The following RAB27B variants were observed in gnomAD, a reference collection of about 807,000 sequenced individuals.
RAB27B encodes the protein RAB27B, member RAS oncogene family.
A neutral mutation model predicts 24.6 loss-of-function variants in RAB27B; 15 were observed. That is an observed-to-expected ratio of 0.61 (90% confidence interval 0.41 to 0.94). The LOEUF is 0.94. Among genes scored for constraint, RAB27B ranks in the 40% least tolerant of loss-of-function variants. The pLI is 0.00. For synonymous variants in RAB27B, 105 were observed against 92.5 expected, an observed-to-expected ratio of 1.14 and a Z score of -0.78; for missense variants, 261 against 266.8, an observed-to-expected ratio of 0.98 and a Z score of 0.15.
At chr18:54,723,081 A>G (rs1291614905) in intron 2 of RAB27B, among the ~76,000 whole-genome samples, 3 of 152,210 alleles carry the variant, frequency 2.0e-5, no homozygotes, top group Admixed American at 2.0e-4. Flanking sequence ...GTAAAAGAAA[A>G]TGGAATTCCC....
intron 2 of RAB27B, among the ~76,000 whole-genome samples, chr18:54,740,148 A>T (rs1276085046): frequency 1.3e-5 from 2 of 152,206 alleles, no homozygotes; most frequent in Non-Finnish European, 2.9e-5. Flanking sequence ...GGAAGAATTC[A>T]TCTCATGGCT....
intron 1 of RAB27B, among the ~76,000 whole-genome samples, chr18:54,832,780 G>T (rs12454204): frequency 0.19 from 29,588 of 152,042 alleles, 3,557 homozygotes; most frequent in East Asian, 0.39. Context: ...GTCAGACAGG[G>T]CCAAGATAAA....
At chr18:54,798,455 A>G (rs1046021949) in intron 2 of RAB27B, among the ~76,000 whole-genome samples, 1 of 152,228 alleles carries the variant, frequency 6.6e-6, no homozygotes, top group African/African-American at 2.4e-5. Flanking sequence ...ATGAGAACCA[A>G]GGCCTCGGGT....
chr18:54,851,838 CA>C (rs575417367), intron 1 of RAB27B, among the ~76,000 whole-genome samples: 245 of 152,022 alleles, frequency 1.6e-3, no homozygotes, highest in African/African-American at 5.3e-3. Context: ...AATAATTTAA[CA>C]AAAAAAGCAC....
chr18:54,723,745 C>T lies in RAB27B; in HGVS notation c.-20+5604C>T, dbSNP rs560497599. Among the ~76,000 whole-genome samples the T allele has an allele frequency of 4.6e-5, 7 of 152,252 alleles. No homozygotes were observed. In the East Asian group the frequency reaches 1.2e-3, roughly 25 times the overall value. ...AATCTTCAAGGTATGCATCTAGCAG[C>T]TTGCATAATTTTTCTCTCCCACATT... On this transcript the variant is annotated intron_variant, in intron 2 of 4. Coordinates refer to the RAB27B transcript ENST00000586570.
At chr18:54,821,987 A>G (rs12969167) in intron 2 of RAB27B, among the ~76,000 whole-genome samples, 34,560 of 152,098 alleles carry the variant, frequency 0.23, 4,180 homozygotes, top group East Asian at 0.39. Flanking sequence ...TCCTGACCTC[A>G]GGTGATCCAC....
Position 54,725,544 on chromosome 18 carries a change from T to C in RAB27B, c.-20+7403T>C, listed in dbSNP as rs142059482. On this transcript the variant is annotated intron_variant, in intron 2 of 4. Transcript: ENST00000586570. ...TATGCTATAAAGAACCGCCCAAGAC[T>C]GGGTAATTTATAAAGGAAAGAGGTT... Among the ~76,000 whole-genome samples, 13 of 151,716 alleles carry C rather than the reference T, an allele frequency of 8.6e-5. 1 individual carries two copies. Among genetic ancestry groups the C allele is most frequent in the African/African-American group, 3.1e-4 (13 of 41,474 alleles).
intron 2 of RAB27B, among the ~76,000 whole-genome samples, chr18:54,877,940 T>G (rs1252732323): frequency 6.6e-6 from 1 of 152,188 alleles, no homozygotes; most frequent in East Asian, 1.9e-4. Context: ...TGGCACTCTC[T>G]CTTGTCTCCC....
intron 1 of RAB27B, among the ~76,000 whole-genome samples, chr18:54,854,295 A>C (rs1911698327): frequency 1.3e-5 from 2 of 152,088 alleles, no homozygotes; most frequent in South Asian, 4.1e-4. Flanking sequence ...CCACATACAC[A>C]CTTTTTCGTT....
intron 2 of RAB27B, among the ~76,000 whole-genome samples, chr18:54,724,040 T>C (rs533829093): frequency 6.6e-6 from 1 of 152,096 alleles, no homozygotes; most frequent in East Asian, 1.9e-4. Context: ...CATACTTTTA[T>C]AAATTCATAT....
Position 54,877,678 on chromosome 18 carries a change from T to C in RAB27B, c.93T>C (p.Asp31=), listed in dbSNP as rs1378547052. The change falls in exon 2 of 6, where the codon GAT becomes GAC. Residue 31 remains aspartate (D), a synonymous_variant. Coordinates refer to ENST00000262094, the MANE Select transcript of RAB27B (RefSeq NM_004163.4). ...CAACATTTCTTTATAGATACACAGA[T>C]AATAAATTCAATCCCAAATTCATCA... is the stretch of plus-strand genomic sequence containing the variant. ...GKTTFLYRYT[D]NKFNPKFITT... 1 of 1,596,980 alleles carries C rather than the reference T, an allele frequency of 6.3e-7. No homozygotes were observed. Among genetic ancestry groups the C allele is most frequent in the Non-Finnish European group, 8.5e-7 (1 of 1,175,628 alleles).
At chr18:54,750,064 G>T (rs1011638515) in intron 2 of RAB27B, among the ~76,000 whole-genome samples, 3 of 152,126 alleles carry the variant, frequency 2.0e-5, no homozygotes, top group African/African-American at 4.8e-5. Flanking sequence ...GAACTAAAAA[G>T]ATAAATGACT....
In RAB27B at chr18:54,889,411, T is replaced by C; in HGVS notation, c.655T>C (p.Ter219GlnextTer6). ...GCCACCAGAGAAGAAATGTATCTGC[T>C]AGACTCTACATAGAAACTGAACATC... Reference protein sequence around the residue: ...EKPPEKKCIC* With the variant: ...EKPPEKKCICQ Residue 219 changes from the stop codon to glutamine (Q), a stop_lost, in exon 6 of 6, where the codon TAG becomes CAG. Transcript: ENST00000262094. The C allele has an allele frequency of 6.2e-7, 1 of 1,608,848 alleles. No individual in the cohort carries two copies. Among genetic ancestry groups the C allele is most frequent in the Non-Finnish European group, 8.5e-7 (1 of 1,177,912 alleles).
intron 2 of RAB27B, among the ~76,000 whole-genome samples, chr18:54,723,453 T>C (rs1379074472): frequency 3.3e-5 from 5 of 152,220 alleles, no homozygotes; most frequent in Non-Finnish European, 7.3e-5. Flanking sequence ...CTGGAACTTA[T>C]GTTTATTGCA....
intron 2 of RAB27B, among the ~76,000 whole-genome samples, chr18:54,760,949 CA>C (rs1376975244): frequency 7.3e-5 from 11 of 149,730 alleles, no homozygotes. Flanking sequence ...ATTGTTGAAT[CA>C]ATGGGAAAGG....
intron 2 of RAB27B, among the ~76,000 whole-genome samples, chr18:54,781,723 A>G (rs1335109165): frequency 6.6e-6 from 1 of 152,174 alleles, no homozygotes; most frequent in African/African-American, 2.4e-5. Flanking sequence ...CATATAACAC[A>G]TGGTAGCTGA....
chr18:54,800,779 G>C (rs1909575911), intron 2 of RAB27B, among the ~76,000 whole-genome samples: 1 of 151,750 alleles, frequency 6.6e-6, no homozygotes, highest in African/African-American at 2.4e-5. Flanking sequence ...TTCCATTGTA[G>C]TCATTTTCTC....
chr18:54,787,438 G>A (rs1909122601), intron 2 of RAB27B, among the ~76,000 whole-genome samples: 1 of 152,146 alleles, frequency 6.6e-6, no homozygotes, highest in Non-Finnish European at 1.5e-5. Flanking sequence ...CAAAACAAGA[G>A]ACATCTTTAC....
chr18:54,820,147 G>T (rs1241321876), intron 2 of RAB27B, among the ~76,000 whole-genome samples: 1 of 152,150 alleles, frequency 6.6e-6, no homozygotes, highest in Non-Finnish European at 1.5e-5. Context: ...TAATGGGATA[G>T]CTGGGTCAAA....
Sources: gnomAD v4.1 joint callset for allele counts (sites outside exome capture counted in the v4.1 genomes callset) on GRCh38, gnomAD v4.1.1 for gene constraint, MANE v1.5 for transcripts, NCBI Gene and HGNC (gene_info 2026-07-23, HGNC 2026-07-21) for gene names.